NUP133: variants seen among roughly 807,000 people sequenced by gnomAD.
The protein encoded by NUP133 is nuclear pore complex protein Nup133.
NUP133 carries 66 observed loss-of-function variants against 146.2 expected under a neutral mutation model. The observed-to-expected ratio is 0.45, with a 90% CI of 0.37 to 0.55. The LOEUF (loss-of-function observed/expected upper bound fraction) is 0.55. NUP133 is among the 20% of genes least tolerant of loss of function. The probability of loss-of-function intolerance (pLI) is 0.00; values close to 1 mark genes in which losing one functional copy is unlikely to be tolerated. For synonymous variants in NUP133, 521 were observed against 498.8 expected (o/e 1.04, Z -0.59); for missense variants, 1,277 against 1,374.8 (o/e 0.93, Z 1.12).
At chr1:229,481,955 G>A (rs1424334146) in intron 12 of NUP133, among the ~76,000 whole-genome samples, 1 of 152,138 alleles carries the variant, frequency 6.6e-6, no homozygotes, top group East Asian at 1.9e-4. Context: ...TGTTATGGCA[G>A]CCACAGGAAA....
intron 15 of NUP133, among the ~76,000 whole-genome samples, chr1:229,468,106 C>T (rs1302663381): frequency 6.6e-6 from 1 of 152,034 alleles, no homozygotes; most frequent in Admixed American, 6.6e-5. Flanking sequence ...TTTTCCAGAG[C>T]CCTGGGAGGT....
At chr1:229,476,107 C>G (rs1487782395) in intron 13 of NUP133, among the ~76,000 whole-genome samples, 1 of 121,890 alleles carries the variant, frequency 8.2e-6, no homozygotes, top group Non-Finnish European at 1.7e-5. Context: ...GACTCGGTCT[C>G]AAAAAAGAAA....
chr1:229,457,441 C>A (rs74144729), intron 21 of NUP133, among the ~76,000 whole-genome samples: 1,737 of 152,220 alleles, frequency 0.011, 33 homozygotes, highest in African/African-American at 0.039. Flanking sequence ...AAAAGCTCAA[C>A]TCCCTTATAT....
intron 20 of NUP133, among the ~76,000 whole-genome samples, chr1:229,459,815 A>G (rs1660651655): frequency 6.6e-6 from 1 of 152,208 alleles, no homozygotes; most frequent in Non-Finnish European, 1.5e-5. Context: ...AAATGCTGCA[A>G]TGAACATGGG....
In NUP133 at chr1:229,452,930, G is replaced by A. The variant is rs925861912; in HGVS notation, c.2981-287C>T. Among the ~76,000 whole-genome samples, 3 of 152,252 alleles carry A rather than the reference G, an allele frequency of 2.0e-5. No homozygotes were observed. In the South Asian group the frequency reaches 6.2e-4, roughly 32 times the overall value. On this transcript the variant is annotated intron_variant, in intron 21 of 25. Transcript: ENST00000261396. ...AATACGTTCAATGCTTGAAGAAGTTGGAGAGCAGATAGCTATTTCATGAGG... is the reference window on the plus strand; with the variant it reads ...AATACGTTCAATGCTTGAAGAAGTTAGAGAGCAGATAGCTATTTCATGAGG...
chr1:229,465,101 A>G (rs939062264), intron 17 of NUP133, among the ~76,000 whole-genome samples: 4 of 152,204 alleles, frequency 2.6e-5, no homozygotes, highest in African/African-American at 9.7e-5. Context: ...AATTCCTTTA[A>G]TGCTACTCCA....
intron 23 of NUP133, among the ~76,000 whole-genome samples, 180 bp from the exon 24 acceptor site, chr1:229,449,370 C>CTTTT (rs71173728): frequency 7.9e-4 from 111 of 139,780 alleles, no homozygotes; most frequent in African/African-American, 2.7e-3. Flanking sequence ...AAGAGTTTTT[C>CTTTT]TTTTTTTTTT....
In NUP133 at chr1:229,441,779, T is replaced by C; in HGVS notation, c.*125A>G. The stretch of plus-strand genomic sequence containing the variant: ...CTATTTTATATTAGCTTCCTACATA[T>C]AAAGTATAAAAACTCAGCTATACAT... On this transcript the variant is annotated 3_prime_UTR_variant, in exon 26 of 26. Transcript: ENST00000261396. 7 of 787,670 alleles carry C rather than the reference T, an allele frequency of 8.9e-6. No individual in the cohort carries two copies. In the South Asian group the frequency reaches 1.3e-4, roughly 15 times the overall value. The allele number at this position is 787,670 out of a possible 1,614,324, so 48.8% of individuals were successfully genotyped here.
At chr1:229,484,193 C>A in intron 11 of NUP133, 48 bp from the exon 12 acceptor site, 1 of 1,376,174 alleles carries the variant, frequency 7.3e-7, no homozygotes, top group South Asian at 1.2e-5. Flanking sequence ...TCTGAATATT[C>A]TTAATTATTG....
intron 12 of NUP133, among the ~76,000 whole-genome samples, chr1:229,477,996 A>G (rs1661119997): frequency 1.3e-5 from 2 of 152,238 alleles, no homozygotes; most frequent in South Asian, 2.1e-4. Flanking sequence ...AACTAAGAGC[A>G]TAATTAGAAT....
At chr1:229,443,221 T>C (rs534639279) in intron 25 of NUP133, among the ~76,000 whole-genome samples, 1 of 149,764 alleles carries the variant, frequency 6.7e-6, no homozygotes, top group East Asian at 2.0e-4. Context: ...TTTTTTTCTG[T>C]AGAGGTGGGG....
chr1:229,458,915 C>T (rs956669102), intron 20 of NUP133, among the ~76,000 whole-genome samples: 1 of 151,796 alleles, frequency 6.6e-6, no homozygotes, highest in Non-Finnish European at 1.5e-5. Flanking sequence ...AATGGCAATA[C>T]CATCACAAAT....
intron 2 of NUP133, among the ~76,000 whole-genome samples, chr1:229,503,809 C>T (rs1464019483): frequency 6.6e-6 from 1 of 152,174 alleles, no homozygotes; most frequent in Non-Finnish European, 1.5e-5. Context: ...AAGAGTTCTT[C>T]AAGTTGACAC....
intron 11 of NUP133, among the ~76,000 whole-genome samples, chr1:229,486,154 G>A (rs1661340961): frequency 6.6e-6 from 1 of 152,024 alleles, no homozygotes; most frequent in African/African-American, 2.4e-5. Context: ...GCAACAGAGT[G>A]AGACTCTGTC....
At chr1:229,445,111 T>C in intron 24 of NUP133, 109 bp from the exon 25 acceptor site, 6 of 795,050 alleles carry the variant, frequency 7.5e-6, no homozygotes, top group East Asian at 2.5e-5. Flanking sequence ...GGATGGAGAA[T>C]CTGAGTTTTG....
chr1:229,471,380 G>A (rs1660951924), intron 14 of NUP133, among the ~76,000 whole-genome samples: 1 of 152,140 alleles, frequency 6.6e-6, no homozygotes. Flanking sequence ...GCCTCTCAAA[G>A]CACTGGAATT....
chr1:229,489,377 T>C (rs944497494), intron 9 of NUP133, among the ~76,000 whole-genome samples: 4 of 152,178 alleles, frequency 2.6e-5, no homozygotes, highest in African/African-American at 9.7e-5. Flanking sequence ...TCTACCTAAA[T>C]ACAGACATGA....
At chr1:229,494,971 C>A (rs980166741) in intron 8 of NUP133, among the ~76,000 whole-genome samples, 1 of 152,068 alleles carries the variant, frequency 6.6e-6, no homozygotes, top group East Asian at 1.9e-4. Flanking sequence ...GAATGAGACA[C>A]GAAGGTAAGA....
intron 5 of NUP133, 65 bp downstream of exon 5, chr1:229,499,613 TAAAAAC>T: frequency 6.6e-7 from 1 of 1,523,252 alleles, no homozygotes. Context: ...TATTTAAAAA[TAAAAAC>T]AAAAATTTAT....
Sources: allele counts gnomAD v4.1 joint callset (sites outside exome capture counted in the v4.1 genomes callset), GRCh38; gene constraint gnomAD v4.1.1; transcripts MANE v1.5; gene names NCBI Gene and HGNC (gene_info 2026-07-23, HGNC 2026-07-21).